ZNF483: variants seen among roughly 807,000 people sequenced by gnomAD.
The protein encoded by ZNF483 is zinc finger protein HIT-10.
A neutral mutation model predicts 28.6 loss-of-function variants in ZNF483; 9 were observed. The ratio of observed to expected loss-of-function variants is 0.32; its 90% CI spans 0.19 to 0.55. The LOEUF (loss-of-function observed/expected upper bound fraction) is 0.55, where lower values mean the gene tolerates loss of function less well. Among genes scored for constraint, ZNF483 ranks in the 20% least tolerant of loss-of-function variants. The pLI is 0.93. For synonymous variants in ZNF483, 322 were observed against 306.2 expected (o/e 1.05, Z -0.54); for missense variants, 675 against 871.7 (o/e 0.77, Z 2.84).
intron 5 of ZNF483, among the ~76,000 whole-genome samples, chr9:111,537,262 C>G (rs568183855): frequency 6.6e-6 from 1 of 151,820 alleles, no homozygotes; most frequent in Admixed American, 6.6e-5. Context: ...CACTCTGTCA[C>G]GCAGGCTGGA....
intron 3 of ZNF483, among the ~76,000 whole-genome samples, chr9:111,531,380 T>G (rs1013771645): frequency 6.6e-6 from 1 of 152,002 alleles, no homozygotes; most frequent in South Asian, 2.1e-4. Context: ...ATTTCCTTCT[T>G]TTTTTTTCTT....
intron 5 of ZNF483, among the ~76,000 whole-genome samples, chr9:111,573,649 T>G (rs1468675465): frequency 1.3e-5 from 2 of 152,086 alleles, no homozygotes; most frequent in Non-Finnish European, 2.9e-5. Context: ...AGAAACAGAC[T>G]CTGTATGAGG....
At chr9:111,535,231 G>A (rs1564593824) in intron 5 of ZNF483, among the ~76,000 whole-genome samples, 1 of 152,236 alleles carries the variant, frequency 6.6e-6, no homozygotes, top group Non-Finnish European at 1.5e-5. Context: ...ATCCCCGCAG[G>A]GGGAGGTGTG....
At chr9:111,528,990 C>G (rs1827251476) in intron 2 of ZNF483, among the ~76,000 whole-genome samples, 1 of 152,046 alleles carries the variant, frequency 6.6e-6, no homozygotes, top group South Asian at 2.1e-4. Context: ...TACAAAAATA[C>G]AAACTCAGGC....
At chr9:111,536,769 A>G (rs1213228682) in intron 5 of ZNF483, among the ~76,000 whole-genome samples, 2 of 151,898 alleles carry the variant, frequency 1.3e-5, no homozygotes, top group Non-Finnish European at 2.9e-5. Flanking sequence ...AAACATAACT[A>G]CTAATAGCCT....
At chr9:111,537,586 A>G in intron 5 of ZNF483, among the ~76,000 whole-genome samples, 1 of 151,970 alleles carries the variant, frequency 6.6e-6, no homozygotes, top group Admixed American at 6.6e-5. Context: ...GTGCCTATGA[A>G]ATTATTACAG....
At chr9:111,533,049 T>C (rs1484066997) in intron 3 of ZNF483, among the ~76,000 whole-genome samples, 2 of 152,264 alleles carry the variant, frequency 1.3e-5, no homozygotes, top group African/African-American at 2.4e-5. Context: ...CTGCTCGTAA[T>C]TGGAAGTTAA....
chr9:111,551,155 ATAT>A lies in ZNF483; in HGVS notation c.*7990_*7992del, dbSNP rs1827930188. On this transcript the variant is annotated 3_prime_UTR_variant, in exon 6 of 6. Transcript: ENST00000309235. ...TTTTACTTCACCCAATATATCCATA[ATAT>A]TATTTCATCATGTAATCAATGTAAA... Among the ~76,000 whole-genome samples, 1 of 152,194 alleles carries A rather than the reference ATAT, an allele frequency of 6.6e-6. No homozygotes were observed. Among genetic ancestry groups the A allele is most frequent in the African/African-American group, 2.4e-5 (1 of 41,438 alleles).
At chr9:111,527,937 G>C (rs1827221281) in intron 2 of ZNF483, 130 bp downstream of exon 2, 71 of 1,559,004 alleles carry the variant, frequency 4.6e-5, no homozygotes, top group Non-Finnish European at 6.2e-5. Flanking sequence ...GTTTGAATCA[G>C]CCCTGCCATT....
chr9:111,526,038 G>A (rs1342588980), intron 1 of ZNF483, among the ~76,000 whole-genome samples: 1 of 152,104 alleles, frequency 6.6e-6, no homozygotes, highest in African/African-American at 2.4e-5. Flanking sequence ...CCCTGGTCTC[G>A]TTCCAGCTCA....
chr9:111,575,022 C>T (rs913063709), intron 5 of ZNF483, among the ~76,000 whole-genome samples: 8 of 152,176 alleles, frequency 5.3e-5, no homozygotes, highest in Admixed American at 2.0e-4. Flanking sequence ...CATTTTCGGC[C>T]GGGCACGGTG....
In ZNF483 at chr9:111,573,416, C is replaced by A. The variant is rs541783092; in HGVS notation, c.722-2949C>A. 3.0e-4 allele frequency among the ~76,000 whole-genome samples: 46 copies of A among 152,326 alleles called. No individual in the cohort carries two copies. The South Asian group carries it at 9.5e-3, about 32-fold the overall frequency. Reference sequence around the variant, plus strand: ...TCAGCCCCTTCCTTTCTAGCCCCCCCATCTCCATACAGTTGTGTGGTGGTT... The same window carrying A: ...TCAGCCCCTTCCTTTCTAGCCCCCCAATCTCCATACAGTTGTGTGGTGGTT... On this transcript the variant is annotated intron_variant, in intron 5 of 5. Transcript: ENST00000358151.
At chr9:111,539,617 G>T in intron 5 of ZNF483, 1 of 329,296 alleles carries the variant, frequency 3.0e-6, no homozygotes, top group South Asian at 2.4e-5. Context: ...TACAAAATTA[G>T]CTGGGCGTGG....
At position 111,555,212 on chromosome 9, in the gene ZNF483, A is replaced by C. The variant is rs1474480323; in HGVS notation, c.*12042A>C. ...CCAAGTTAATAGCCTATCAAGTTCT[A>C]TTTGGCAAAAGATAATGCCTCTCAT... On this transcript the variant is annotated 3_prime_UTR_variant, in exon 6 of 6. Coordinates refer to ENST00000309235, the MANE Select transcript of ZNF483 (RefSeq NM_133464.5). 1.3e-5 allele frequency among the ~76,000 whole-genome samples: 2 copies of C among 152,084 alleles called. No homozygotes were observed. Among genetic ancestry groups the C allele is most frequent in the Non-Finnish European group, 2.9e-5 (2 of 68,010 alleles).
chr9:111,526,418 A>G (rs1827187960), intron 1 of ZNF483, among the ~76,000 whole-genome samples: 1 of 152,066 alleles, frequency 6.6e-6, no homozygotes, highest in African/African-American at 2.4e-5. Context: ...GAGGGACTGT[A>G]AGCCGGGGAG....
In ZNF483 at chr9:111,525,211, T is replaced by C. The variant is rs1827154841; in HGVS notation, c.-180T>C. On this transcript the variant is annotated 5_prime_UTR_variant, in exon 1 of 6. Coordinates refer to ENST00000309235, the MANE Select transcript of ZNF483 (RefSeq NM_133464.5). ...CGCGCGCACTCGCTGCGGGACAAGC[T>C]TCTGGAAGCTCTTTGCGGTGGCGTT... The C allele has an allele frequency of 6.6e-6, 1 of 152,206 alleles. No homozygotes were observed. Among genetic ancestry groups the C allele is most frequent in the African/African-American group, 2.4e-5 (1 of 41,442 alleles). 9.4% of individuals were successfully genotyped at this position (152,206 alleles called of 1,614,324 possible).
At chr9:111,570,402 T>C (rs777899490) in intron 5 of ZNF483, among the ~76,000 whole-genome samples, 5 of 152,086 alleles carry the variant, frequency 3.3e-5, no homozygotes, top group African/African-American at 4.8e-5. Context: ...GGCAGAATAA[T>C]GGCCCCAAAC....
At chr9:111,540,304 A>G (rs1368794783) in intron 5 of ZNF483, among the ~76,000 whole-genome samples, 1 of 152,220 alleles carries the variant, frequency 6.6e-6, no homozygotes, top group Non-Finnish European at 1.5e-5. Context: ...ATTGGCCATT[A>G]GTTAACTTCT....
intron 5 of ZNF483, among the ~76,000 whole-genome samples, chr9:111,540,241 T>C (rs1827640251): frequency 6.6e-6 from 1 of 152,062 alleles, no homozygotes; most frequent in Admixed American, 6.6e-5. Flanking sequence ...AATTATGCAG[T>C]TTTTCTGTTT....
Sources: gnomAD v4.1 joint callset for allele counts (sites outside exome capture counted in the v4.1 genomes callset) on GRCh38, gnomAD v4.1.1 for gene constraint, MANE v1.5 for transcripts, NCBI Gene and HGNC (gene_info 2026-07-23, HGNC 2026-07-21) for gene names.